UBASH3B: variants seen among roughly 807,000 people sequenced by gnomAD.
UBASH3B encodes ubiquitin associated and SH3 domain containing B, also known as ubiquitin-associated and SH3 domain-containing protein B.
A neutral mutation model predicts 83.4 loss-of-function variants in UBASH3B; 37 were observed. The observed-to-expected ratio is 0.44, with a 90% CI of 0.34 to 0.58. The LOEUF (loss-of-function observed/expected upper bound fraction) is 0.58, where lower values mean the gene tolerates loss of function less well. Among genes scored for constraint, UBASH3B ranks in the 20% least tolerant of loss-of-function variants. The pLI is 0.01. For missense variants in UBASH3B, 657 were observed against 827.2 expected (o/e 0.79, Z 2.52); for synonymous variants, 304 against 318.3 (o/e 0.96, Z 0.48).
Position 122,682,161 on chromosome 11 carries a change from G to A in UBASH3B, c.161+25951G>A, listed in dbSNP as rs529986752. On this transcript the variant is annotated intron_variant, in intron 1 of 13. Coordinates refer to ENST00000284273, the MANE Select transcript of UBASH3B (RefSeq NM_032873.5). ...TGCGTAGTACCCTGCCAACCCTGCC[G>A]ACGCACCATGAGGCCTTGGACAAAT... Among the ~76,000 whole-genome samples the A allele has an allele frequency of 2.6e-5, 4 of 152,292 alleles. No homozygotes were observed. The East Asian group carries it at 5.8e-4, about 22-fold the overall frequency.
chr11:122,787,073 G>A (rs1317632459), intron 5 of UBASH3B, among the ~76,000 whole-genome samples: 1 of 151,670 alleles, frequency 6.6e-6, no homozygotes, highest in Non-Finnish European at 1.5e-5. Flanking sequence ...GGCACTACTG[G>A]GCCAAAGGCA....
intron 1 of UBASH3B, among the ~76,000 whole-genome samples, chr11:122,677,165 C>T (rs1341979240): frequency 6.6e-6 from 1 of 152,158 alleles, no homozygotes; most frequent in Non-Finnish European, 1.5e-5. Context: ...ATTTACATAG[C>T]TTCTATGTTG....
chr11:122,662,859 A>C (rs1369566226), intron 1 of UBASH3B, among the ~76,000 whole-genome samples: 1 of 151,796 alleles, frequency 6.6e-6, no homozygotes, highest in Non-Finnish European at 1.5e-5. Flanking sequence ...ATGTATCAAT[A>C]GTTTATCTCT....
intron 1 of UBASH3B, chr11:122,773,919 T>G: frequency 1.1e-6 from 1 of 940,008 alleles, no homozygotes; most frequent in Non-Finnish European, 1.3e-6. Context: ...GCACATTGTC[T>G]GGTGCCACAA....
chr11:122,661,219 G>A (rs1294398213), intron 1 of UBASH3B, among the ~76,000 whole-genome samples: 1 of 152,214 alleles, frequency 6.6e-6, no homozygotes, highest in Non-Finnish European at 1.5e-5. Context: ...GAGCAAGGCA[G>A]TGGCAGAAGG....
Position 122,808,038 on chromosome 11 carries a change from T to G in UBASH3B, c.1703-29T>G, listed in dbSNP as rs756123429. 3.2e-6 allele frequency: 5 copies of G among 1,557,236 alleles called. No individual in the cohort carries two copies. In the South Asian group the frequency reaches 5.6e-5, roughly 17 times the overall value. On this transcript the variant is annotated intron_variant, in intron 12 of 13. Coordinates refer to ENST00000284273, the MANE Select transcript of UBASH3B (RefSeq NM_032873.5). ...AGTTTCCATGTCTTTATAGAAACAG[T>G]CTTCCCATACCTTGCCATTTTCCCC... is the stretch of plus-strand genomic sequence containing the variant.
chr11:122,660,245 G>T (rs950285804), intron 1 of UBASH3B, among the ~76,000 whole-genome samples: 7 of 152,124 alleles, frequency 4.6e-5, no homozygotes, highest in Non-Finnish European at 4.4e-5. Context: ...CCTCATGGAG[G>T]ACTGAGAAGT....
At chr11:122,718,787 A>C (rs998225105) in intron 1 of UBASH3B, among the ~76,000 whole-genome samples, 5 of 152,122 alleles carry the variant, frequency 3.3e-5, no homozygotes, top group Non-Finnish European at 5.9e-5. Context: ...TTCTTACTCC[A>C]ATCTGACACA....
chr11:122,799,976 C>G (rs761894933), intron 10 of UBASH3B, among the ~76,000 whole-genome samples: 1 of 152,172 alleles, frequency 6.6e-6, no homozygotes, highest in African/African-American at 2.4e-5. Context: ...AAGTAAACCT[C>G]TTCACTACCA....
chr11:122,789,525 G>A (rs1001921071), intron 6 of UBASH3B, among the ~76,000 whole-genome samples: 6 of 152,290 alleles, frequency 3.9e-5, no homozygotes, highest in African/African-American at 1.4e-4. Flanking sequence ...GTCTGCTTCA[G>A]TTCCTGATCA....
At chr11:122,669,764 A>G (rs1863567807) in intron 1 of UBASH3B, among the ~76,000 whole-genome samples, 8 of 152,198 alleles carry the variant, frequency 5.3e-5, no homozygotes. Context: ...ACCCTATGAG[A>G]TAGGAACTAT....
chr11:122,780,534 C>G (rs945813478), intron 4 of UBASH3B, among the ~76,000 whole-genome samples: 1 of 152,222 alleles, frequency 6.6e-6, no homozygotes, highest in African/African-American at 2.4e-5. Context: ...TACTGGTCAC[C>G]TACTATGAGG....
At chr11:122,781,573 C>T (rs1403977083) in intron 4 of UBASH3B, among the ~76,000 whole-genome samples, 13 of 152,330 alleles carry the variant, frequency 8.5e-5, no homozygotes, top group African/African-American at 2.9e-4. Context: ...TGGCCGGCTT[C>T]GTTTCTCTGC....
intron 1 of UBASH3B, among the ~76,000 whole-genome samples, chr11:122,750,015 G>A (rs1293833970): frequency 6.6e-6 from 1 of 152,216 alleles, no homozygotes; most frequent in Non-Finnish European, 1.5e-5. Flanking sequence ...TTACAGGTGT[G>A]AGCCACTGCT....
chr11:122,675,829 A>G (rs972344937), intron 1 of UBASH3B, among the ~76,000 whole-genome samples: 1 of 152,218 alleles, frequency 6.6e-6, no homozygotes, highest in African/African-American at 2.4e-5. Flanking sequence ...GCAGCGGACC[A>G]TCTTGGAACT....
At chr11:122,795,325 T>C (rs1287192799) in intron 7 of UBASH3B, among the ~76,000 whole-genome samples, 27 of 151,944 alleles carry the variant, frequency 1.8e-4, no homozygotes, top group Non-Finnish European at 2.9e-5. Context: ...AGAGTAACCA[T>C]TGTGGCTGGA....
chr11:122,727,824 A>G (rs1234928752), intron 1 of UBASH3B, among the ~76,000 whole-genome samples: 1 of 152,052 alleles, frequency 6.6e-6, no homozygotes, highest in Non-Finnish European at 1.5e-5. Context: ...AATTCAAGAA[A>G]TCCTTGTTTC....
At chr11:122,805,969 T>C (rs1429327121) in intron 11 of UBASH3B, among the ~76,000 whole-genome samples, 2 of 152,240 alleles carry the variant, frequency 1.3e-5, no homozygotes, top group African/African-American at 4.8e-5. Context: ...TGAAATTTGA[T>C]AAACTCGCAA....
chr11:122,714,146 G>A (rs151049678), intron 1 of UBASH3B, among the ~76,000 whole-genome samples: 137 of 152,336 alleles, frequency 9.0e-4, no homozygotes, highest in African/African-American at 3.1e-3. Context: ...TCAGGAAGCT[G>A]AAAGACAGAA....
Sources: allele counts gnomAD v4.1 joint callset (sites outside exome capture counted in the v4.1 genomes callset), GRCh38; gene constraint gnomAD v4.1.1; transcripts MANE v1.5; gene names NCBI Gene and HGNC (gene_info 2026-07-23, HGNC 2026-07-21).